The following PPARGC1A variants were observed in gnomAD, a reference collection of about 807,000 sequenced individuals.
The protein encoded by PPARGC1A is PPARG coactivator 1 alpha, also known as peroxisome proliferator-activated receptor gamma coactivator 1-alpha.
PPARGC1A carries 25 observed loss-of-function variants against 88.7 expected under a neutral mutation model. That is an observed-to-expected ratio of 0.28 (90% CI 0.21 to 0.39). The LOEUF (loss-of-function observed/expected upper bound fraction) is 0.39. Among genes scored for constraint, PPARGC1A ranks in the 10% least tolerant of loss-of-function variants. The pLI, the probability that PPARGC1A is intolerant of heterozygous loss-of-function variation, is 1.00. For missense variants in PPARGC1A, 880 were observed against 968.7 expected (o/e 0.91, Z 1.22); for synonymous variants, 363 against 355.6 (o/e 1.02, Z -0.24).
chr4:24,045,520 G>A, the PPARGC1A span, among the ~76,000 whole-genome samples: 5 of 152,092 alleles, frequency 3.3e-5, no homozygotes, highest in Admixed American at 3.3e-4. Context: ...AATCCTCTAT[G>A]GCCTCTTCTA....
the PPARGC1A span, among the ~76,000 whole-genome samples, chr4:24,330,398 C>T: frequency 1.3e-5 from 2 of 152,184 alleles, no homozygotes; most frequent in African/African-American, 4.8e-5. Flanking sequence ...GGAGGAAACT[C>T]GAGCTGGTTG....
chr4:24,263,180 G>A, the PPARGC1A span, among the ~76,000 whole-genome samples: 1 of 152,144 alleles, frequency 6.6e-6, no homozygotes, highest in Non-Finnish European at 1.5e-5. Context: ...AACAAGTGAC[G>A]TAAGACCTTT....
the PPARGC1A span, among the ~76,000 whole-genome samples, chr4:24,038,791 T>C: frequency 6.6e-6 from 1 of 152,220 alleles, no homozygotes; most frequent in Non-Finnish European, 1.5e-5. Flanking sequence ...ATTTAAACTT[T>C]GTAAGTGCAT....
chr4:24,062,821 G>T, the PPARGC1A span, among the ~76,000 whole-genome samples: 18 of 152,138 alleles, frequency 1.2e-4, no homozygotes, highest in South Asian at 4.1e-4. Context: ...CAAAATGAAG[G>T]CCTCATCTAT....
chr4:23,935,235 C>A, the PPARGC1A span, among the ~76,000 whole-genome samples: 4 of 152,168 alleles, frequency 2.6e-5, no homozygotes, highest in African/African-American at 9.7e-5. Context: ...AAGATTATGC[C>A]TGCTCTTTCT....
the PPARGC1A span, among the ~76,000 whole-genome samples, chr4:24,140,238 G>C: frequency 0.034 from 5,222 of 152,268 alleles, 133 homozygotes; most frequent in Non-Finnish European, 0.045. Context: ...GGCCAGGACT[G>C]GAAATAAATC....
chr4:24,373,831 A>G, the PPARGC1A span, among the ~76,000 whole-genome samples: 1 of 152,134 alleles, frequency 6.6e-6, no homozygotes, highest in Admixed American at 6.5e-5. Context: ...CACCTTTTTC[A>G]CTTTCTGTGT....
At chr4:24,082,987 G>A in the PPARGC1A span, among the ~76,000 whole-genome samples, 175 of 152,256 alleles carry the variant, frequency 1.1e-3, no homozygotes, top group African/African-American at 3.9e-3. Flanking sequence ...TTTGAAAACC[G>A]TAAAACACTG....
the PPARGC1A span, among the ~76,000 whole-genome samples, chr4:24,181,986 CTTTTT>C: frequency 6.6e-6 from 1 of 151,868 alleles, no homozygotes; most frequent in South Asian, 2.1e-4. Context: ...TGGCACCTCA[CTTTTT>C]TTTAATTTTA....
the PPARGC1A span, among the ~76,000 whole-genome samples, chr4:24,318,758 G>A: frequency 2.4e-4 from 37 of 152,250 alleles, no homozygotes; most frequent in Middle Eastern, 3.4e-3. Context: ...TAAAGCCAAC[G>A]ATGTATAATT....
the PPARGC1A span, among the ~76,000 whole-genome samples, chr4:23,986,778 T>C: frequency 3.3e-5 from 5 of 151,990 alleles, no homozygotes; most frequent in Admixed American, 2.0e-4. Context: ...TAATATACTG[T>C]CTTGCCTCTC....
chr4:23,828,952 T>C (rs1279697845), intron 4 of PPARGC1A, among the ~76,000 whole-genome samples: 7 of 152,202 alleles, frequency 4.6e-5, no homozygotes, highest in Admixed American at 4.6e-4. Context: ...ACAACTCTCT[T>C]AAGTACCCCT....
chr4:24,077,534 G>A, the PPARGC1A span, among the ~76,000 whole-genome samples: 2 of 150,612 alleles, frequency 1.3e-5, no homozygotes, highest in Non-Finnish European at 2.9e-5. Flanking sequence ...TCAATTCTTT[G>A]CATAGGAACT....
the PPARGC1A span, among the ~76,000 whole-genome samples, chr4:24,083,237 A>G: frequency 6.6e-6 from 1 of 152,182 alleles, no homozygotes; most frequent in Non-Finnish European, 1.5e-5. Context: ...CTACTAGAAG[A>G]GAACCATCAA....
chr4:24,337,077 AG>A, the PPARGC1A span, among the ~76,000 whole-genome samples: 1 of 152,234 alleles, frequency 6.6e-6, no homozygotes, highest in Non-Finnish European at 1.5e-5. Context: ...CATTCCAAAA[AG>A]TTCGTGCTCT....
chr4:24,080,401 G>A, the PPARGC1A span, among the ~76,000 whole-genome samples: 2 of 151,578 alleles, frequency 1.3e-5, no homozygotes, highest in Non-Finnish European at 2.9e-5. Context: ...ATTTTATATT[G>A]AATCAACTAA....
the PPARGC1A span, among the ~76,000 whole-genome samples, chr4:24,136,323 C>T: frequency 2.6e-5 from 4 of 152,182 alleles, no homozygotes; most frequent in Admixed American, 2.0e-4. Context: ...TTAAATTCTA[C>T]AATCCATGTC....
intron 2 of PPARGC1A, among the ~76,000 whole-genome samples, chr4:23,845,851 AG>A (rs1728221256): frequency 6.6e-6 from 1 of 152,204 alleles, no homozygotes; most frequent in Non-Finnish European, 1.5e-5. Context: ...GCAATCTCCT[AG>A]GATTTAGATA....
intron 10 of PPARGC1A, among the ~76,000 whole-genome samples, chr4:23,803,065 T>C (rs1489173473): frequency 3.9e-5 from 6 of 152,218 alleles, no homozygotes; most frequent in African/African-American, 1.4e-4. Context: ...TACAAAACTA[T>C]TACATTTCTC....
Sources: allele counts gnomAD v4.1 joint callset (sites outside exome capture counted in the v4.1 genomes callset), GRCh38; gene constraint gnomAD v4.1.1; transcripts MANE v1.5; gene names NCBI Gene and HGNC (gene_info 2026-07-23, HGNC 2026-07-21).